Variants in PASK observed in about 807,000 individuals in gnomAD.
PASK encodes PAS domain containing serine/threonine kinase.
A neutral mutation model predicts 121.0 loss-of-function variants in PASK; 110 were observed. The ratio of observed to expected loss-of-function variants is 0.91; its 90% CI spans 0.78 to 1.06. The LOEUF (loss-of-function observed/expected upper bound fraction) is 1.06. PASK is among the 50% of genes least tolerant of loss of function. The probability of loss-of-function intolerance (pLI) is 0.00; values close to 1 mark genes in which losing one functional copy is unlikely to be tolerated. For synonymous variants in PASK, 686 were observed against 717.8 expected (o/e 0.96, Z 0.71); for missense variants, 1,643 against 1,702.3 (o/e 0.97, Z 0.61).
At chr2:241,141,916 A>G (rs1284501075) in intron 2 of PASK, among the ~76,000 whole-genome samples, 1 of 151,672 alleles carries the variant, frequency 6.6e-6, no homozygotes, top group African/African-American at 2.4e-5. Context: ...GCTCCTTCTC[A>G]TGTCTCAAGG....
Position 241,108,100 on chromosome 2 carries a change from T to TG in PASK, c.3667+66dup. The TG allele has an allele frequency of 6.6e-7, 1 of 1,521,186 alleles. No individual in the cohort carries two copies. The highest frequency in any genetic ancestry group is 1.1e-5 in the South Asian group (1 of 89,310). The allele number at this position is 1,521,186 out of a possible 1,614,324, so 94.2% of individuals were successfully genotyped here. A position where few individuals can be genotyped will look rare whatever the true frequency, so the allele number is the denominator to read the frequency against. ...AGAGATACACTGAGGAATGAGGAAA[T>TG]GGGAAAAAAAAGTGGCTGGTCTCTA... is the stretch of plus-strand genomic sequence containing the variant. On this transcript the variant is annotated intron_variant, in intron 16 of 17. Coordinates refer to ENST00000234040, the MANE Select transcript of PASK (RefSeq NM_015148.4). The surrounding 1 kb of genome is among the most constrained non-coding windows in gnomAD (Gnocchi z 5.2).
Position 241,142,824 on chromosome 2 carries a change from C to T in PASK, c.196+13G>A, listed in dbSNP as rs1482723918. 30 of 1,596,362 alleles carry T rather than the reference C, an allele frequency of 1.9e-5. No individual in the cohort carries two copies. The highest frequency in any genetic ancestry group is 2.7e-5 in the African/African-American group (2 of 74,614). On this transcript the variant is annotated intron_variant, in intron 2 of 17. Transcript: ENST00000234040. The stretch of plus-strand genomic sequence containing the variant: ...TCCACGCGCTAAGGCCTGCAGTGGT[C>T]GAAGGTCATTACCAGAGAGCGCTGT...
chr2:241,123,033 C>A, intron 11 of PASK, 134 bp from the exon 12 acceptor site: 2 of 755,614 alleles, frequency 2.6e-6, no homozygotes. Flanking sequence ...CCCTCTCCTC[C>A]CATGCTCTCA....
Position 241,106,418 on chromosome 2 carries a change from CTTCTG to C in PASK, c.*143_*147del. ...ATCTAAAATAATACAGCATCACTGT[CTTCTG>C]TTCTGGTGTTTATCAAACCTGCACA... On this transcript the variant is annotated 3_prime_UTR_variant, in exon 18 of 18. Transcript: ENST00000234040. 1.2e-5 allele frequency: 10 copies of C among 808,290 alleles called. No individual in the cohort carries two copies. Among genetic ancestry groups the C allele is most frequent in the South Asian group, 2.7e-5 (2 of 72,794 alleles). 50.1% of individuals were successfully genotyped at this position (808,290 alleles called of 1,614,324 possible). A position where few individuals can be genotyped will look rare whatever the true frequency, so the allele number is the denominator to read the frequency against.
chr2:241,139,519 T>G, intron 4 of PASK: 1 of 499,468 alleles, frequency 2.0e-6, no homozygotes, highest in Non-Finnish European at 4.1e-6. Context: ...CCAAACAGAA[T>G]GTAAAAATCA....
At chr2:241,116,037 C>T (rs1218619961) in intron 12 of PASK, among the ~76,000 whole-genome samples, 2 of 140,274 alleles carry the variant, frequency 1.4e-5, no homozygotes, top group Non-Finnish European at 3.0e-5. Context: ...CCAGGGCCAC[C>T]CAGTCCTCAA....
At chr2:241,144,331 C>T (rs1406919037) in intron 1 of PASK, among the ~76,000 whole-genome samples, 6 of 152,156 alleles carry the variant, frequency 3.9e-5, no homozygotes, top group African/African-American at 2.4e-5. Flanking sequence ...ACAAAAAGAG[C>T]CCTTAAAGCA....
intron 1 of PASK, among the ~76,000 whole-genome samples, chr2:241,148,166 G>GC (rs1166788565): frequency 6.6e-6 from 1 of 152,128 alleles, no homozygotes; most frequent in Non-Finnish European, 1.5e-5. Flanking sequence ...CCAGCAGACA[G>GC]CACCTAATGG....
intron 12 of PASK, among the ~76,000 whole-genome samples, chr2:241,115,929 CCA>C: frequency 1.0e-5 from 1 of 95,650 alleles, no homozygotes; most frequent in East Asian, 5.7e-4. Context: ...CCAGGGGCCA[CCA>C]TCAGTCCTCA....
At chr2:241,124,269 G>C (rs1054958108) in intron 10 of PASK, 136 bp from the exon 11 acceptor site, 4 of 750,942 alleles carry the variant, frequency 5.3e-6, no homozygotes, top group Non-Finnish European at 9.0e-6. Flanking sequence ...TCAATCCCCA[G>C]AACACAGACC....
chr2:241,147,381 G>A (rs1040269283), intron 1 of PASK, among the ~76,000 whole-genome samples: 4 of 152,182 alleles, frequency 2.6e-5, no homozygotes. Context: ...CCAGTACTTT[G>A]GGAGGCCAGG....
At chr2:241,106,818 T>A in intron 17 of PASK, 95 bp from the exon 18 acceptor site, 1 of 1,242,122 alleles carries the variant, frequency 8.1e-7, no homozygotes. Flanking sequence ...AACAAAAGCC[T>A]AAGGTGAGGC....
rs1037821561 is a variant in PASK at position 241,114,870 on chromosome 2, T to C, written c.3333+173A>G. The C allele has an allele frequency of 3.0e-5, 45 of 1,517,020 alleles. No individual in the cohort carries two copies. In the African/African-American group the frequency reaches 5.6e-4, roughly 19 times the overall value. 94.0% of individuals were successfully genotyped at this position (1,517,020 alleles called of 1,614,324 possible). A position where few individuals can be genotyped will look rare whatever the true frequency, so the allele number is the denominator to read the frequency against. ...TCCTTCCCAACCTCACTTTCTCTAC[T>C]TCAATCATAGAATTTTCTTCTCAAA... is the stretch of plus-strand genomic sequence containing the variant. On this transcript the variant is annotated intron_variant, in intron 14 of 17. Transcript: ENST00000234040.
intron 12 of PASK, among the ~76,000 whole-genome samples, 197 bp downstream of exon 12, chr2:241,122,535 T>C (rs374982487): frequency 6.6e-6 from 1 of 152,178 alleles, no homozygotes; most frequent in African/African-American, 2.4e-5. Context: ...TTGGACGGGA[T>C]CAGCAACCCT....
At chr2:241,107,274 T>C (rs993613410) in intron 17 of PASK, 79 bp downstream of exon 17, 17 of 1,294,354 alleles carry the variant, frequency 1.3e-5, no homozygotes, top group Non-Finnish European at 1.8e-5. Context: ...TTTCCTCCTT[T>C]TGACCTAGGA....
chr2:241,141,483 G>A (rs920642206), intron 2 of PASK, among the ~76,000 whole-genome samples: 4 of 151,940 alleles, frequency 2.6e-5, no homozygotes, highest in Non-Finnish European at 5.9e-5. Flanking sequence ...CCTCAGCCCC[G>A]TCATTCCTCA....
Position 241,108,547 on chromosome 2 carries a change from C to A in PASK, c.3534-247G>T, listed in dbSNP as rs1011696595. 1.8e-6 allele frequency: 1 copy of A among 563,668 alleles called. No individual in the cohort carries two copies. The highest frequency in any genetic ancestry group is 3.2e-6 in the Non-Finnish European group (1 of 311,894). The allele number at this position is 563,668 out of a possible 1,614,324, so 34.9% of individuals were successfully genotyped here. On this transcript the variant is annotated intron_variant, in intron 15 of 17. Coordinates refer to ENST00000234040, the MANE Select transcript of PASK (RefSeq NM_015148.4). The surrounding 1 kb of genome is among the most constrained non-coding windows in gnomAD (Gnocchi z 5.2). ...AGCTCCGAGGCTAATCAGGAACTTC[C>A]TTGTGGACACCAACCACAAGACGTG...
chr2:241,115,316 G>A lies in PASK; in HGVS notation c.3170C>T (p.Ser1057Phe), dbSNP rs769639150. 6.2e-7 allele frequency: 1 copy of A among 1,613,972 alleles called. No individual in the cohort carries two copies. The highest frequency in any genetic ancestry group is 1.7e-5 in the Admixed American group (1 of 60,018). ...GKVTLEIAIL[S>F]RVEHANIIKV... is the part of the protein sequence containing the mutation. ...GATGATATTGGCGTGCTCCACCCTG[G>A]ATAGAATTGCGATCTCTAAAGTAAC... is the stretch of plus-strand genomic sequence containing the variant. Residue 1057 changes from serine (S) to phenylalanine (F), a missense_variant, in exon 13 of 18, where the codon TCC (serine) becomes TTC (phenylalanine). Coordinates refer to ENST00000234040, the MANE Select transcript of PASK (RefSeq NM_015148.4).
chr2:241,137,794 C>A (rs1245713082), intron 6 of PASK, among the ~76,000 whole-genome samples, 159 bp downstream of exon 6: 4 of 152,212 alleles, frequency 2.6e-5, no homozygotes, highest in Admixed American at 6.5e-5. Context: ...AGGCTCCGGC[C>A]CTTGGTCAAG....
Sources: gnomAD v4.1 joint callset for allele counts (sites outside exome capture counted in the v4.1 genomes callset) on GRCh38, gnomAD v4.1.1 for gene constraint, Gnocchi (gnomAD v3.1) non-coding constraint, MANE v1.5 for transcripts, NCBI Gene and HGNC (gene_info 2026-07-23, HGNC 2026-07-21) for gene names.